The following ZNF215 variants were observed in gnomAD, a reference collection of about 807,000 sequenced individuals.
The protein encoded by ZNF215 is zinc finger protein 215.
In ZNF215, 24 loss-of-function variants were observed where a neutral mutation model predicts 27.2. That is an observed-to-expected ratio of 0.88 (90% CI 0.64 to 1.24). The LOEUF (loss-of-function observed/expected upper bound fraction) is 1.24, where lower values mean the gene tolerates loss of function less well. Among genes scored for constraint, ZNF215 ranks in the 50% most tolerant of loss-of-function variants. The pLI, the probability that ZNF215 is intolerant of heterozygous loss-of-function variation, is 0.00. For missense variants in ZNF215, 675 were observed against 605.7 expected (o/e 1.11, Z -1.20); for synonymous variants, 210 against 204.0 (o/e 1.03, Z -0.25).
downstream of ZNF215, among the ~76,000 whole-genome samples, chr11:6,992,274 T>C (rs1404763366): frequency 2.0e-5 from 3 of 152,180 alleles, no homozygotes; most frequent in African/African-American, 4.8e-5. Flanking sequence ...GATTTCACAA[T>C]TGTGAGCAAA....
intron 6 of ZNF215, among the ~76,000 whole-genome samples, chr11:6,949,223 CT>C (rs970506639): frequency 6.6e-6 from 1 of 152,014 alleles, no homozygotes; most frequent in African/African-American, 2.4e-5. Flanking sequence ...GTGCATGTGT[CT>C]TTATAGCAGC....
intron 5 of ZNF215, 111 bp from the exon 6 acceptor site, chr11:6,943,435 C>G: frequency 8.5e-7 from 1 of 1,175,242 alleles, no homozygotes; most frequent in Admixed American, 2.2e-5. Flanking sequence ...CTGGCCTTAC[C>G]CTTCAGCAGC....
intron 2 of ZNF215, among the ~76,000 whole-genome samples, chr11:6,928,709 A>T (rs1849147559): frequency 6.6e-6 from 1 of 152,136 alleles, no homozygotes; most frequent in East Asian, 1.9e-4. Context: ...TCTTTGACAT[A>T]TGGCCTGTGA....
downstream of ZNF215, among the ~76,000 whole-genome samples, chr11:6,989,246 G>A (rs1462634631): frequency 3.3e-5 from 5 of 150,922 alleles, no homozygotes; most frequent in East Asian, 5.8e-4. Context: ...TGCACCAAGC[G>A]AATAAAATTG....
chr11:6,944,976 T>C (rs1272711620), intron 6 of ZNF215, among the ~76,000 whole-genome samples: 2 of 152,130 alleles, frequency 1.3e-5, no homozygotes, highest in Non-Finnish European at 2.9e-5. Flanking sequence ...TGTTGCCAAT[T>C]TTTCAGGCAT....
At chr11:6,943,767 GA>G in intron 6 of ZNF215, 126 bp downstream of exon 6, 1 of 764,320 alleles carries the variant, frequency 1.3e-6, no homozygotes. Context: ...CTTTGAGGGG[GA>G]AAAGACATTA....
chr11:6,986,251 C>T (rs1434501484), downstream of ZNF215, among the ~76,000 whole-genome samples: 2 of 152,004 alleles, frequency 1.3e-5, no homozygotes, highest in Non-Finnish European at 2.9e-5. Context: ...TTATCTTTGA[C>T]AAAATCAACA....
Position 6,978,853 on chromosome 11 carries a change from T to C in ZNF215, c.806-5276T>C, listed in dbSNP as rs115715726. ...AAATGTGGTTAATATAATCCACCTA[T>C]ATACTTAATTTTAAAACATTAATTG... is the stretch of plus-strand genomic sequence containing the variant. On this transcript the variant is annotated intron_variant, in intron 5 of 5. Transcript: ENST00000529903. Among the ~76,000 whole-genome samples, 801 of 152,262 alleles carry C rather than the reference T, an allele frequency of 5.3e-3. 5 individuals are homozygous for C. The highest frequency in any genetic ancestry group is 0.018 in the African/African-American group (760 of 41,560).
intron 2 of ZNF215, among the ~76,000 whole-genome samples, chr11:6,929,349 C>G (rs943041780): frequency 6.6e-6 from 1 of 152,176 alleles, no homozygotes; most frequent in Non-Finnish European, 1.5e-5. Flanking sequence ...TAGTATAGAA[C>G]ATTTCTTACA....
chr11:6,938,752 A>G (rs1482819536), intron 3 of ZNF215, among the ~76,000 whole-genome samples: 1 of 152,064 alleles, frequency 6.6e-6, no homozygotes, highest in Non-Finnish European at 1.5e-5. Context: ...TATGAGAGTG[A>G]CTCCTAAATT....
chr11:6,946,025 G>A (rs138051734), intron 6 of ZNF215, among the ~76,000 whole-genome samples: 3 of 151,974 alleles, frequency 2.0e-5, no homozygotes, highest in African/African-American at 7.2e-5. Flanking sequence ...CCTCTACCTA[G>A]TTACACAAGA....
At chr11:6,968,030 A>G (rs549592134) in intron 5 of ZNF215, among the ~76,000 whole-genome samples, 3 of 152,308 alleles carry the variant, frequency 2.0e-5, no homozygotes, top group African/African-American at 7.2e-5. Context: ...AACACCATTT[A>G]TTAAATAGGG....
chr11:6,946,402 C>T (rs879374743), intron 6 of ZNF215, among the ~76,000 whole-genome samples: 4 of 152,172 alleles, frequency 2.6e-5, no homozygotes, highest in Admixed American at 2.6e-4. Context: ...TCAAGCCACA[C>T]CTATCTACTT....
At chr11:6,944,449 C>G (rs1469462309) in intron 6 of ZNF215, among the ~76,000 whole-genome samples, 1 of 134,506 alleles carries the variant, frequency 7.4e-6, no homozygotes. Context: ...GAACGGAGTT[C>G]TCACTGTGTT....
At chr11:6,980,628 CT>C (rs1159619046) in intron 5 of ZNF215, among the ~76,000 whole-genome samples, 1 of 150,326 alleles carries the variant, frequency 6.7e-6, no homozygotes, top group African/African-American at 2.5e-5. Flanking sequence ...TATTATTATA[CT>C]TTAAGTTTTA....
At chr11:6,958,929 A>G (rs767541304), downstream of ZNF215, among the ~76,000 whole-genome samples, 1 of 152,148 alleles carries the variant, frequency 6.6e-6, no homozygotes, top group Admixed American at 6.6e-5. Context: ...TTTTGGCCAC[A>G]CTGGCAGCTG....
downstream of ZNF215, among the ~76,000 whole-genome samples, chr11:6,961,058 TCTG>T (rs1193943802): frequency 6.6e-6 from 1 of 152,138 alleles, no homozygotes; most frequent in African/African-American, 2.4e-5. Flanking sequence ...AGGTTACTCT[TCTG>T]GTGATTTCAT....
chr11:6,944,072 G>T (rs543749805), intron 6 of ZNF215, among the ~76,000 whole-genome samples: 1 of 152,270 alleles, frequency 6.6e-6, no homozygotes, highest in African/African-American at 2.4e-5. Context: ...TCAGGAGATC[G>T]AGACCATCCT....
chr11:6,935,066 T>TA (rs1163060711), intron 3 of ZNF215, among the ~76,000 whole-genome samples: 2 of 152,208 alleles, frequency 1.3e-5, no homozygotes, highest in Non-Finnish European at 2.9e-5. Context: ...AGTACTGAGG[T>TA]GGCTACCTGG....
Sources: gnomAD v4.1 joint callset for allele counts (sites outside exome capture counted in the v4.1 genomes callset) on GRCh38, gnomAD v4.1.1 for gene constraint, MANE v1.5 for transcripts, NCBI Gene and HGNC (gene_info 2026-07-23, HGNC 2026-07-21) for gene names.